The following ZSWIM6 variants were observed in gnomAD, a reference collection of about 807,000 sequenced individuals.
ZSWIM6 encodes the protein zinc finger SWIM-type containing 6.
A neutral mutation model predicts 113.2 loss-of-function variants in ZSWIM6; 9 were observed. That is an observed-to-expected ratio of 0.08 (90% CI 0.05 to 0.14). The LOEUF is 0.14. ZSWIM6 is among the 10% of genes least tolerant of loss of function. The pLI is 1.00. For synonymous variants in ZSWIM6, 611 were observed against 606.5 expected (o/e 1.01, Z -0.11); for missense variants, 1,162 against 1,552.2 (o/e 0.75, Z 4.22).
chr5:61,465,941 A>G (rs1445605982), intron 1 of ZSWIM6, among the ~76,000 whole-genome samples: 1 of 152,226 alleles, frequency 6.6e-6, no homozygotes, highest in East Asian at 1.9e-4. Context: ...TAAGCTTAGC[A>G]TTAGAAATTA....
chr5:61,485,734 A>G (rs1361502051), intron 2 of ZSWIM6, among the ~76,000 whole-genome samples: 2 of 152,134 alleles, frequency 1.3e-5, no homozygotes, highest in African/African-American at 4.8e-5. Flanking sequence ...TCAGAATAGC[A>G]TTATGTATTT....
At chr5:61,501,309 T>C (rs1226163064) in intron 4 of ZSWIM6, among the ~76,000 whole-genome samples, 2 of 152,150 alleles carry the variant, frequency 1.3e-5, no homozygotes, top group African/African-American at 4.8e-5. Flanking sequence ...GGGTCAGAAG[T>C]AAACCAAAAG....
chr5:61,466,735 T>G (rs1747444879), intron 1 of ZSWIM6, among the ~76,000 whole-genome samples: 1 of 152,150 alleles, frequency 6.6e-6, no homozygotes, highest in Non-Finnish European at 1.5e-5. Flanking sequence ...ATATACATAA[T>G]ATGCACAAAA....
At chr5:61,357,316 G>A (rs912670378) in intron 1 of ZSWIM6, among the ~76,000 whole-genome samples, 3 of 152,092 alleles carry the variant, frequency 2.0e-5, no homozygotes, top group Admixed American at 6.6e-5. Flanking sequence ...AAAGCAGCAC[G>A]AAAATAATAC....
chr5:61,526,941 A>T (rs1239356355), intron 7 of ZSWIM6, among the ~76,000 whole-genome samples: 1 of 152,228 alleles, frequency 6.6e-6, no homozygotes. Context: ...ACAATGTGTA[A>T]GCATTCTAAA....
chr5:61,402,377 C>G (rs1745955508), intron 1 of ZSWIM6, among the ~76,000 whole-genome samples: 1 of 152,172 alleles, frequency 6.6e-6, no homozygotes, highest in Non-Finnish European at 1.5e-5. Flanking sequence ...TTTAAAACTA[C>G]AATGGAATTT....
chr5:61,464,651 C>T (rs1040731563), intron 1 of ZSWIM6, among the ~76,000 whole-genome samples: 20 of 152,040 alleles, frequency 1.3e-4, no homozygotes, highest in Non-Finnish European at 2.8e-4. Flanking sequence ...AATTTGGCTG[C>T]CAAAGGCCTA....
chr5:61,526,423 TG>T (rs1304675706), intron 7 of ZSWIM6, 27 bp downstream of exon 7: 5 of 1,551,202 alleles, frequency 3.2e-6, no homozygotes, highest in Non-Finnish European at 4.4e-6. Flanking sequence ...TTGTTTCCAT[TG>T]GAATGGGATT....
At chr5:61,431,154 G>A (rs1450526616) in intron 1 of ZSWIM6, among the ~76,000 whole-genome samples, 9 of 150,830 alleles carry the variant, frequency 6.0e-5, no homozygotes, top group African/African-American at 2.2e-4. Context: ...GGTGGATCAC[G>A]AGGTCAGAAG....
chr5:61,534,737 C>T (rs1288626434), intron 9 of ZSWIM6, among the ~76,000 whole-genome samples: 2 of 152,144 alleles, frequency 1.3e-5, no homozygotes, highest in African/African-American at 4.8e-5. Context: ...CAGGGGAAGT[C>T]AGCTCTGCCA....
intron 10 of ZSWIM6, 42 bp from the exon 11 acceptor site, chr5:61,538,772 A>C: frequency 6.6e-7 from 1 of 1,522,780 alleles, no homozygotes; most frequent in African/African-American, 1.4e-5. Flanking sequence ...GGACATGGTC[A>C]AGAAATAACT....
rs539966224 is a variant in ZSWIM6 at position 61,369,396 on chromosome 5, A to G, written c.676+36448A>G. Among the ~76,000 whole-genome samples the G allele has an allele frequency of 1.9e-3, 293 of 152,328 alleles. 1 individual carries two copies. The highest frequency in any genetic ancestry group is 6.5e-3 in the African/African-American group (270 of 41,576). ...AAATACATTCTTTCGACATGTCCCAATAAAAGAGCATTCTGTGTTAACCAC... is the reference window on the plus strand; with the variant it reads ...AAATACATTCTTTCGACATGTCCCAGTAAAAGAGCATTCTGTGTTAACCAC... On this transcript the variant is annotated intron_variant, in intron 1 of 13. Transcript: ENST00000252744.
At chr5:61,336,445 G>A (rs1223249287) in intron 1 of ZSWIM6, among the ~76,000 whole-genome samples, 1 of 152,054 alleles carries the variant, frequency 6.6e-6, no homozygotes, top group Non-Finnish European at 1.5e-5. Flanking sequence ...ACTTGGAAAA[G>A]AGATAAATTT....
chr5:61,355,431 A>AACACACAC (rs34072520), intron 1 of ZSWIM6, among the ~76,000 whole-genome samples: 111 of 127,674 alleles, frequency 8.7e-4, no homozygotes, highest in African/African-American at 1.8e-3. Flanking sequence ...GAGACTTTAA[A>AACACACAC]ACACACACAC....
chr5:61,435,095 G>T (rs1306346136), intron 1 of ZSWIM6, among the ~76,000 whole-genome samples: 1 of 151,890 alleles, frequency 6.6e-6, no homozygotes, highest in Non-Finnish European at 1.5e-5. Context: ...TATGACCTTG[G>T]GCAATTCACT....
intron 1 of ZSWIM6, among the ~76,000 whole-genome samples, chr5:61,414,897 C>T (rs1220519397): frequency 6.6e-6 from 1 of 152,188 alleles, no homozygotes; most frequent in Non-Finnish European, 1.5e-5. Flanking sequence ...GAACACTGTG[C>T]CTTGCACCAT....
chr5:61,387,915 G>A (rs989741199), intron 1 of ZSWIM6, among the ~76,000 whole-genome samples: 9 of 150,390 alleles, frequency 6.0e-5, no homozygotes, highest in South Asian at 2.1e-4. Context: ...CCTCTTTGAG[G>A]GGGGGAGAAA....
intron 2 of ZSWIM6, among the ~76,000 whole-genome samples, chr5:61,483,510 T>C (rs1347146498): frequency 6.6e-6 from 1 of 152,184 alleles, no homozygotes; most frequent in African/African-American, 2.4e-5. Context: ...CCAAAATCTG[T>C]ATCTATGTAT....
At chr5:61,482,839 C>G (rs760692711) in intron 2 of ZSWIM6, among the ~76,000 whole-genome samples, 2 of 151,950 alleles carry the variant, frequency 1.3e-5, no homozygotes, top group Non-Finnish European at 2.9e-5. Flanking sequence ...TTTTTCCAGA[C>G]AGTGCCTAGA....
Sources: allele counts gnomAD v4.1 joint callset (sites outside exome capture counted in the v4.1 genomes callset), GRCh38; gene constraint gnomAD v4.1.1; transcripts MANE v1.5; gene names NCBI Gene and HGNC (gene_info 2026-07-23, HGNC 2026-07-21).